NEGR1: variants seen among roughly 807,000 people sequenced by gnomAD.
NEGR1 encodes IgLON family member 4.
NEGR1 carries 10 observed loss-of-function variants against 40.9 expected under a neutral mutation model. The observed-to-expected ratio is 0.24, with a 90% confidence interval of 0.15 to 0.42. NEGR1 has a LOEUF of 0.42. Among genes scored for constraint, NEGR1 ranks in the 10% least tolerant of loss-of-function variants. The pLI is 1.00. For synonymous variants in NEGR1, 185 were observed against 166.8 expected (o/e 1.11, Z -0.84); for missense variants, 352 against 438.9 (o/e 0.80, Z 1.77).
intron 4 of NEGR1, among the ~76,000 whole-genome samples, chr1:71,632,250 C>T (rs950990855): frequency 6.0e-5 from 9 of 150,860 alleles, no homozygotes; most frequent in South Asian, 2.1e-4. Flanking sequence ...TATGTATGCA[C>T]GTACATATTA....
At chr1:71,828,080 A>G (rs964423527) in intron 2 of NEGR1, among the ~76,000 whole-genome samples, 3 of 151,984 alleles carry the variant, frequency 2.0e-5, no homozygotes, top group Non-Finnish European at 2.9e-5. Context: ...GAATTATCCC[A>G]TATAATACTG....
rs146681400 is a variant in NEGR1 at position 72,228,713 on chromosome 1, C to G, written c.176+53606G>C. 5.2e-3 allele frequency among the ~76,000 whole-genome samples: 793 copies of G among 152,098 alleles called. 7 individuals carry two copies. Among genetic ancestry groups the G allele is most frequent in the African/African-American group, 0.017 (720 of 41,508 alleles). ...ATACATCTATAGACCAAAAGATGAC[C>G]AGGGACTTTTGAATGGTAATGTGCT... On this transcript the variant is annotated intron_variant, in intron 1 of 6. Transcript: ENST00000357731.
At chr1:72,073,827 G>T (rs76712837) in intron 1 of NEGR1, among the ~76,000 whole-genome samples, 4,956 of 151,448 alleles carry the variant, frequency 0.033, 114 homozygotes, top group Non-Finnish European at 0.052. Flanking sequence ...AACAAGAAGA[G>T]ACATAAGAAA....
intron 1 of NEGR1, among the ~76,000 whole-genome samples, chr1:72,271,292 C>G (rs966261640): frequency 6.6e-6 from 1 of 151,832 alleles, no homozygotes; most frequent in African/African-American, 2.4e-5. Context: ...AATCCCTCAA[C>G]GATGTGAATA....
chr1:72,138,821 A>G (rs1450619125), intron 1 of NEGR1, among the ~76,000 whole-genome samples: 1 of 152,060 alleles, frequency 6.6e-6, no homozygotes, highest in Admixed American at 6.6e-5. Context: ...ATCAGCAAGC[A>G]TATGAAAAAC....
chr1:71,562,245 T>C (rs921291621), intron 6 of NEGR1, among the ~76,000 whole-genome samples: 1 of 151,890 alleles, frequency 6.6e-6, no homozygotes, highest in Non-Finnish European at 1.5e-5. Context: ...GAACTTATTC[T>C]GCTCTGTTAC....
chr1:72,005,931 C>A (rs1646603137), intron 1 of NEGR1, among the ~76,000 whole-genome samples: 1 of 152,018 alleles, frequency 6.6e-6, no homozygotes, highest in African/African-American at 2.4e-5. Context: ...TCTGGCCAAC[C>A]TTTTCTAATA....
At chr1:71,413,809 C>A (rs1646338662) in intron 6 of NEGR1, among the ~76,000 whole-genome samples, 2 of 152,218 alleles carry the variant, frequency 1.3e-5, no homozygotes, top group South Asian at 4.1e-4. Flanking sequence ...TATCTTATAT[C>A]TTTTCTAATT....
At chr1:71,648,335 A>C (rs891894228) in intron 4 of NEGR1, among the ~76,000 whole-genome samples, 3 of 152,046 alleles carry the variant, frequency 2.0e-5, no homozygotes, top group Non-Finnish European at 4.4e-5. Flanking sequence ...GAAACAAACA[A>C]CTTGAGTGTG....
At chr1:71,586,051 C>T (rs961584652) in intron 6 of NEGR1, among the ~76,000 whole-genome samples, 3 of 151,986 alleles carry the variant, frequency 2.0e-5, no homozygotes, top group African/African-American at 7.3e-5. Context: ...TTTATTTTCC[C>T]CTATTTTATA....
At chr1:71,472,380 C>T (rs545094552) in intron 6 of NEGR1, among the ~76,000 whole-genome samples, 42 of 152,224 alleles carry the variant, frequency 2.8e-4, no homozygotes, top group African/African-American at 9.9e-4. Context: ...TAAATACAGC[C>T]TTACTGAAAT....
At chr1:71,752,817 C>T (rs114643577) in intron 3 of NEGR1, among the ~76,000 whole-genome samples, 4,122 of 152,192 alleles carry the variant, frequency 0.027, 83 homozygotes, top group African/African-American at 0.044. Context: ...ACAGGAGATT[C>T]GCTACTTAAC....
chr1:71,675,585 T>C (rs892156678), intron 4 of NEGR1, among the ~76,000 whole-genome samples: 1 of 151,528 alleles, frequency 6.6e-6, no homozygotes, highest in Non-Finnish European at 1.5e-5. Context: ...AAAGAGAGCA[T>C]GCATGAGGAA....
At chr1:71,964,006 G>C (rs1221648750) in intron 1 of NEGR1, among the ~76,000 whole-genome samples, 1 of 152,002 alleles carries the variant, frequency 6.6e-6, no homozygotes, top group Admixed American at 6.6e-5. Context: ...AATGATGAGG[G>C]GTGGTGTTCT....
chr1:71,615,155 AG>A (rs747947386), intron 4 of NEGR1, among the ~76,000 whole-genome samples: 42 of 152,288 alleles, frequency 2.8e-4, no homozygotes, highest in South Asian at 2.7e-3. Context: ...GAGACATAAA[AG>A]TTCTTATTAC....
chr1:71,439,397 C>G (rs1569872984), intron 6 of NEGR1, among the ~76,000 whole-genome samples: 1 of 152,190 alleles, frequency 6.6e-6, no homozygotes, highest in African/African-American at 2.4e-5. Context: ...GGATCTGACT[C>G]TCTCACTCAG....
chr1:71,675,967 G>A (rs538429609), intron 4 of NEGR1, among the ~76,000 whole-genome samples: 10 of 151,786 alleles, frequency 6.6e-5, no homozygotes, highest in Non-Finnish European at 1.2e-4. Flanking sequence ...TGCCTGGACC[G>A]ATTTTAGTTT....
chr1:72,143,930 T>TATATATAAA (rs1553145053), intron 1 of NEGR1, among the ~76,000 whole-genome samples: 226 of 140,500 alleles, frequency 1.6e-3, no homozygotes, highest in African/African-American at 2.0e-3. Flanking sequence ...TATATATATA[T>TATATATAAA]ATATATATAT....
chr1:72,166,810 T>A (rs114638408), intron 1 of NEGR1, among the ~76,000 whole-genome samples: 158 of 152,202 alleles, frequency 1.0e-3, no homozygotes, highest in African/African-American at 3.7e-3. Context: ...TATTTTAAAT[T>A]TATACATATA....
Sources: gnomAD v4.1 joint callset for allele counts (sites outside exome capture counted in the v4.1 genomes callset) on GRCh38, gnomAD v4.1.1 for gene constraint, MANE v1.5 for transcripts, NCBI Gene and HGNC (gene_info 2026-07-23, HGNC 2026-07-21) for gene names.